FRY: variants seen among roughly 807,000 people sequenced by gnomAD.
The protein encoded by FRY is FRY microtubule binding protein.
In FRY, 128 loss-of-function variants were observed where a neutral mutation model predicts 348.4. That is an observed-to-expected ratio of 0.37 (90% CI 0.32 to 0.43). The LOEUF (loss-of-function observed/expected upper bound fraction) is 0.43. Ranked by LOEUF, FRY falls within the 20% of genes least tolerant of loss-of-function variation. The probability of loss-of-function intolerance (pLI) is 1.00; values close to 1 mark genes in which losing one functional copy is unlikely to be tolerated. For missense variants in FRY, 2,736 were observed against 3,695.2 expected (o/e 0.74, Z 6.73); for synonymous variants, 1,370 against 1,374.7 (o/e 1.00, Z 0.08).
At chr13:32,215,668 C>T (rs1884949046) in intron 35 of FRY, among the ~76,000 whole-genome samples, 1 of 152,196 alleles carries the variant, frequency 6.6e-6, no homozygotes. Flanking sequence ...CTCCCAGGCT[C>T]AAGCAGTCCT....
intron 47 of FRY, 47 bp from the exon 48 acceptor site, chr13:32,247,275 TA>T (rs779364601): frequency 1.3e-6 from 2 of 1,503,390 alleles, no homozygotes; most frequent in Admixed American, 1.7e-5. Flanking sequence ...ACATTAGCTT[TA>T]AAAAAATTAA....
chr13:32,092,516 A>G (rs1228656805), intron 2 of FRY, among the ~76,000 whole-genome samples: 1 of 152,234 alleles, frequency 6.6e-6, no homozygotes, highest in African/African-American at 2.4e-5. Flanking sequence ...TGTGGACACA[A>G]GGAGTGTTTA....
intron 56 of FRY, among the ~76,000 whole-genome samples, chr13:32,276,122 T>C (rs1239178887): frequency 2.0e-5 from 3 of 152,226 alleles, no homozygotes; most frequent in Admixed American, 6.5e-5. Flanking sequence ...AGGTTTGTCT[T>C]CACACTGCTT....
intron 1 of FRY, 105 bp downstream of exon 1, chr13:32,031,970 G>GT: frequency 1.5e-6 from 1 of 677,098 alleles, no homozygotes; most frequent in Non-Finnish European, 2.6e-6. Context: ...AGCCGCGGAA[G>GT]TTTTTCTTTT....
At chr13:32,101,938 T>G (rs905487020) in intron 2 of FRY, 25 bp from the exon 3 acceptor site, 6 of 1,242,464 alleles carry the variant, frequency 4.8e-6, no homozygotes, top group Admixed American at 1.7e-5. Context: ...ATAATTATTC[T>G]TGCATATATT....
At position 32,093,450 on chromosome 13, in the gene FRY, C is replaced by T. The variant is rs532155667; in HGVS notation, c.271-8513C>T. 1.4e-3 allele frequency among the ~76,000 whole-genome samples: 218 copies of T among 152,220 alleles called. 2 individuals are homozygous for T. The Middle Eastern group carries it at 0.024, about 17-fold the overall frequency. On this transcript the variant is annotated intron_variant, in intron 2 of 60. Coordinates refer to ENST00000542859, the MANE Select transcript of FRY (RefSeq NM_023037.3). ...TTATTGAGGAAACGTCTTTCTTTCC[C>T]GCTCTTTCCTTCAGTCTGGATGTGG...
rs1044574956 is a variant in FRY at position 32,136,775 on chromosome 13, C to T, written c.1078-96C>T. 13 of 824,448 alleles carry T rather than the reference C, an allele frequency of 1.6e-5. No individual in the cohort carries two copies. The African/African-American group carries it at 2.0e-4, about 13-fold the overall frequency. The allele number at this position is 824,448 out of a possible 1,614,324, so 51.1% of individuals were successfully genotyped here. The stretch of plus-strand genomic sequence containing the variant: ...GTCCTGTTTCTTGCCCACAGGGCCC[C>T]CGAGGGAGATGGCAAGGTAGTGGGT... On this transcript the variant is annotated intron_variant, in intron 10 of 60. Coordinates refer to ENST00000542859, the MANE Select transcript of FRY (RefSeq NM_023037.3).
Position 32,209,034 on chromosome 13 carries a change from G to C in FRY, c.4200G>C (p.Gly1400=), listed in dbSNP as rs371617026. The C allele has an allele frequency of 8.7e-6, 14 of 1,614,036 alleles. No homozygotes were observed. The African/African-American group carries it at 1.6e-4, about 18-fold the overall frequency. The change falls in exon 32 of 61, where the codon GGG becomes GGC. Residue 1400 remains glycine, a synonymous_variant. Transcript: ENST00000542859. The part of the protein sequence containing the change: ...DREGDVTASH[G]LRGNGWGSPE... ...AAGGTGACGTGACTGCTTCTCACGG[G>C]CTGAGAGGAAATGGCTGGGGCTCTC... is the stretch of plus-strand genomic sequence containing the variant.
At chr13:32,200,393 TAGC>T (rs1341486963) in intron 29 of FRY, among the ~76,000 whole-genome samples, 5 of 152,318 alleles carry the variant, frequency 3.3e-5, no homozygotes, top group African/African-American at 9.6e-5. Flanking sequence ...TGAAAATAAA[TAGC>T]AGTAACTCAC....
chr13:32,218,676 T>TAAAAAAAAA (rs1885137724), intron 35 of FRY, 73 bp from the exon 36 acceptor site: 1 of 571,580 alleles, frequency 1.7e-6, no homozygotes. Flanking sequence ...AGACTCCAAC[T>TAAAAAAAAA]CAAAAAAAAA....
intron 15 of FRY, among the ~76,000 whole-genome samples, chr13:32,156,766 A>G (rs926435176): frequency 2.6e-5 from 4 of 152,186 alleles, no homozygotes; most frequent in Admixed American, 6.5e-5. Context: ...GTTAATGAGA[A>G]CAATAAAAAT....
At chr13:32,155,782 T>C (rs1443782288) in intron 15 of FRY, 120 bp downstream of exon 15, 7 of 658,360 alleles carry the variant, frequency 1.1e-5, no homozygotes, top group South Asian at 2.1e-5. Flanking sequence ...GATAAGACAT[T>C]CCAACATTAA....
chr13:32,240,589 G>A (rs1886450493), intron 46 of FRY, among the ~76,000 whole-genome samples: 1 of 152,200 alleles, frequency 6.6e-6, no homozygotes, highest in Admixed American at 6.5e-5. Flanking sequence ...GTTGGTGCTA[G>A]AAATACATAG....
chr13:32,168,477 A>G (rs1311708349), intron 17 of FRY, among the ~76,000 whole-genome samples: 1 of 152,268 alleles, frequency 6.6e-6, no homozygotes, highest in Non-Finnish European at 1.5e-5. Context: ...GTTGACACAT[A>G]AAATTCACCA....
intron 35 of FRY, 59 bp downstream of exon 35, chr13:32,212,441 G>A: frequency 1.0e-6 from 1 of 979,684 alleles, no homozygotes; most frequent in Non-Finnish European, 1.6e-6. Flanking sequence ...TCTATACATA[G>A]ACATCAATAC....
At chr13:32,268,499 A>AT (rs61001159) in intron 55 of FRY, among the ~76,000 whole-genome samples, 12 of 15,972 alleles carry the variant, frequency 7.5e-4, no homozygotes, top group South Asian at 4.0e-3. Context: ...AAAAAAAAAA[A>AT]AAAAAAATAT....
chr13:32,065,482 T>C (rs1402181768), intron 1 of FRY, among the ~76,000 whole-genome samples: 6 of 152,046 alleles, frequency 3.9e-5, no homozygotes, highest in Non-Finnish European at 7.4e-5. Context: ...ATTTTTTGTA[T>C]TTTAGTAGAG....
At chr13:32,106,597 A>G (rs1877565863) in intron 3 of FRY, among the ~76,000 whole-genome samples, 1 of 152,252 alleles carries the variant, frequency 6.6e-6, no homozygotes, top group Admixed American at 6.5e-5. Flanking sequence ...GAGAAATGGA[A>G]AAAGAATTAT....
intron 11 of FRY, among the ~76,000 whole-genome samples, chr13:32,146,416 A>G (rs1880459541): frequency 6.6e-6 from 1 of 152,254 alleles, no homozygotes; most frequent in East Asian, 1.9e-4. Flanking sequence ...AGCTCACTGC[A>G]ACCTCTGCTT....
Sources: gnomAD v4.1 joint callset for allele counts (sites outside exome capture counted in the v4.1 genomes callset) on GRCh38, gnomAD v4.1.1 for gene constraint, MANE v1.5 for transcripts, NCBI Gene and HGNC (gene_info 2026-07-23, HGNC 2026-07-21) for gene names.